NXPH1: variants seen among roughly 807,000 people sequenced by gnomAD.
NXPH1 encodes neurexophilin 1.
NXPH1 carries 5 observed loss-of-function variants against 23.7 expected under a neutral mutation model. The ratio of observed to expected loss-of-function variants is 0.21; its 90% CI spans 0.11 to 0.44. NXPH1 has a LOEUF of 0.44. Among genes scored for constraint, NXPH1 ranks in the 20% least tolerant of loss-of-function variants. The pLI is 0.99. For synonymous variants in NXPH1, 144 were observed against 122.2 expected (o/e 1.18, Z -1.18); for missense variants, 324 against 321.6 (o/e 1.01, Z -0.06).
chr7:8,704,360 A>G (rs1273738749), intron 2 of NXPH1, among the ~76,000 whole-genome samples: 1 of 152,090 alleles, frequency 6.6e-6, no homozygotes, highest in Non-Finnish European at 1.5e-5. Flanking sequence ...TGCACAATCG[A>G]TTCTCTCCAT....
At chr7:8,600,557 C>T (rs920207170) in intron 2 of NXPH1, among the ~76,000 whole-genome samples, 1 of 152,168 alleles carries the variant, frequency 6.6e-6, no homozygotes, top group African/African-American at 2.4e-5. Flanking sequence ...GCATCAATGT[C>T]TAGGCTCTGT....
At chr7:8,736,478 A>C (rs755295631) in intron 2 of NXPH1, among the ~76,000 whole-genome samples, 3 of 152,212 alleles carry the variant, frequency 2.0e-5, no homozygotes, top group Non-Finnish European at 4.4e-5. Flanking sequence ...ATTTGATGGC[A>C]CTGTGGCCTG....
chr7:8,497,993 T>G (rs1470998470), intron 2 of NXPH1, among the ~76,000 whole-genome samples: 1 of 152,100 alleles, frequency 6.6e-6, no homozygotes, highest in East Asian at 1.9e-4. Flanking sequence ...TAACAACAGA[T>G]TTTAACCTGT....
intron 2 of NXPH1, among the ~76,000 whole-genome samples, chr7:8,559,456 T>G (rs947525912): frequency 6.6e-6 from 1 of 151,730 alleles, no homozygotes; most frequent in Admixed American, 6.6e-5. Flanking sequence ...ACTCATTATT[T>G]GGATGCCCAA....
chr7:8,581,849 G>T (rs950324794), intron 2 of NXPH1, among the ~76,000 whole-genome samples: 2 of 152,184 alleles, frequency 1.3e-5, no homozygotes, highest in Non-Finnish European at 2.9e-5. Flanking sequence ...CAAAGTAATA[G>T]TGTCATGGGC....
At chr7:8,733,766 T>A (rs1780198669) in intron 2 of NXPH1, among the ~76,000 whole-genome samples, 1 of 152,206 alleles carries the variant, frequency 6.6e-6, no homozygotes, top group African/African-American at 2.4e-5. Context: ...ATTTGTAGAT[T>A]CTGGATATTA....
At chr7:8,629,052 AAT>A (rs1478799291) in intron 2 of NXPH1, among the ~76,000 whole-genome samples, 3 of 152,004 alleles carry the variant, frequency 2.0e-5, no homozygotes, top group African/African-American at 7.2e-5. Context: ...AAAGATAAGA[AAT>A]GAATAAAAAC....
intron 2 of NXPH1, among the ~76,000 whole-genome samples, chr7:8,672,417 A>G (rs928581813): frequency 9.2e-5 from 14 of 152,208 alleles, no homozygotes; most frequent in African/African-American, 3.1e-4. Flanking sequence ...ACATGTATAC[A>G]TATGTAACTA....
In NXPH1 at chr7:8,657,848, C is replaced by T. The variant is rs369191564; in HGVS notation, c.55-93160C>T. ...TTCAAGACCAGCCTGGCCAGCATGG[C>T]GAAACACTGTCTCTATTAAAAATGC... On this transcript the variant is annotated intron_variant, in intron 2 of 2. Coordinates refer to ENST00000405863, the MANE Select transcript of NXPH1 (RefSeq NM_152745.3). 1.9e-3 allele frequency among the ~76,000 whole-genome samples: 286 copies of T among 152,170 alleles called. 1 individual carries two copies. Among genetic ancestry groups the T allele is most frequent in the Middle Eastern group, 0.017 (5 of 294 alleles).
chr7:8,515,338 T>C (rs1817670737), intron 2 of NXPH1, among the ~76,000 whole-genome samples: 1 of 152,116 alleles, frequency 6.6e-6, no homozygotes, highest in Non-Finnish European at 1.5e-5. Context: ...TATTGAGGGA[T>C]AGATCATGGG....
At chr7:8,641,856 T>C (rs946273061) in intron 2 of NXPH1, among the ~76,000 whole-genome samples, 4 of 152,346 alleles carry the variant, frequency 2.6e-5, no homozygotes, top group Non-Finnish European at 5.9e-5. Context: ...TTTTCTTAGC[T>C]TAGTTTTCTG....
At chr7:8,630,804 A>G (rs1820110233) in intron 2 of NXPH1, among the ~76,000 whole-genome samples, 2 of 152,140 alleles carry the variant, frequency 1.3e-5, no homozygotes, top group East Asian at 1.9e-4. Context: ...GTTCAGGGGT[A>G]TAAGTTCAGG....
chr7:8,672,777 T>C (rs1343526587), intron 2 of NXPH1, among the ~76,000 whole-genome samples: 1 of 152,218 alleles, frequency 6.6e-6, no homozygotes, highest in African/African-American at 2.4e-5. Context: ...TTTCCAACTT[T>C]GAGAAATTTT....
rs541059390 is a variant in NXPH1, at chr7:8,543,939, C to T, written c.54+108172C>T. 5.9e-5 allele frequency among the ~76,000 whole-genome samples: 9 copies of T among 151,456 alleles called. No individual in the cohort carries two copies. The South Asian group carries it at 1.0e-3, about 18-fold the overall frequency. ...AGGGATCTGTAGAATTAATTTAGCTCGGTTCTCTCTTATTTTTTCTGGAGG... is the reference window on the plus strand; with the variant it reads ...AGGGATCTGTAGAATTAATTTAGCTTGGTTCTCTCTTATTTTTTCTGGAGG... On this transcript the variant is annotated intron_variant, in intron 2 of 2. Transcript: ENST00000405863.
At chr7:8,664,890 A>C (rs1024804888) in intron 2 of NXPH1, among the ~76,000 whole-genome samples, 1 of 151,732 alleles carries the variant, frequency 6.6e-6, no homozygotes, top group African/African-American at 2.4e-5. Context: ...TTTGCTATTA[A>C]GTTGTTTGAG....
rs190053826 is a variant in NXPH1, at chr7:8,543,620, G to T, written c.54+107853G>T. On this transcript the variant is annotated intron_variant, in intron 2 of 2. Coordinates refer to ENST00000405863, the MANE Select transcript of NXPH1 (RefSeq NM_152745.3). ...TGTGATGATTTGCAAATCACACTTT[G>T]GAAAAAACAAATTTCTTTAATGGAT... Among the ~76,000 whole-genome samples the T allele has an allele frequency of 5.9e-3, 890 of 151,556 alleles. 4 individuals carry two copies. The highest frequency in any genetic ancestry group is 0.02 in the African/African-American group (838 of 41,424).
chr7:8,444,342 C>G (rs1289368873), intron 2 of NXPH1, among the ~76,000 whole-genome samples: 1 of 152,192 alleles, frequency 6.6e-6, no homozygotes, highest in East Asian at 1.9e-4. Context: ...TTAGGCGCAA[C>G]GCCTCGGAGG....
At chr7:8,636,717 A>G (rs1820223196) in intron 2 of NXPH1, among the ~76,000 whole-genome samples, 1 of 152,214 alleles carries the variant, frequency 6.6e-6, no homozygotes, top group Admixed American at 6.5e-5. Context: ...TACGTTACAC[A>G]CGTATTCCAC....
At chr7:8,586,114 C>T (rs757680526) in intron 2 of NXPH1, among the ~76,000 whole-genome samples, 3 of 152,072 alleles carry the variant, frequency 2.0e-5, no homozygotes, top group Non-Finnish European at 2.9e-5. Flanking sequence ...ATGAACACAC[C>T]GTATCTATCT....
Sources: gnomAD v4.1 joint callset for allele counts (sites outside exome capture counted in the v4.1 genomes callset) on GRCh38, gnomAD v4.1.1 for gene constraint, MANE v1.5 for transcripts, NCBI Gene and HGNC (gene_info 2026-07-23, HGNC 2026-07-21) for gene names.